Variants in NKAIN2 observed in about 807,000 individuals in gnomAD.
NKAIN2 encodes the protein sodium/potassium transporting ATPase interacting 2, also known as sodium/potassium-transporting ATPase subunit beta-1-interacting protein 2.
A neutral mutation model predicts 32.6 loss-of-function variants in NKAIN2; 14 were observed. The ratio of observed to expected loss-of-function variants is 0.43; its 90% CI spans 0.28 to 0.67. The LOEUF (loss-of-function observed/expected upper bound fraction) is 0.67, where lower values mean the gene tolerates loss of function less well. Ranked by LOEUF, NKAIN2 falls within the 30% of genes least tolerant of loss-of-function variation. The pLI is 0.17. For missense variants in NKAIN2, 198 were observed against 258.3 expected, an observed-to-expected ratio of 0.77 and a Z score of 1.60; for synonymous variants, 80 against 87.2, an observed-to-expected ratio of 0.92 and a Z score of 0.46.
At chr6:124,655,365 C>T (rs1262924456) in intron 3 of NKAIN2, among the ~76,000 whole-genome samples, 3 of 151,962 alleles carry the variant, frequency 2.0e-5, no homozygotes, top group African/African-American at 7.2e-5. Context: ...ATTTTTTACC[C>T]TTGTTTTAAT....
intron 4 of NKAIN2, among the ~76,000 whole-genome samples, chr6:124,698,348 A>T (rs1251422068): frequency 6.6e-6 from 1 of 152,034 alleles, no homozygotes; most frequent in African/African-American, 2.4e-5. Flanking sequence ...TAAAAGTGTT[A>T]GCATAAAAAA....
intron 1 of NKAIN2, among the ~76,000 whole-genome samples, chr6:123,945,236 G>A (rs1025228993): frequency 1.3e-5 from 2 of 151,988 alleles, no homozygotes; most frequent in African/African-American, 4.8e-5. Context: ...GTTTACCAAA[G>A]CCTCTAACTG....
chr6:124,406,597 C>A (rs1190216698), intron 3 of NKAIN2, among the ~76,000 whole-genome samples: 1 of 151,882 alleles, frequency 6.6e-6, no homozygotes, highest in African/African-American at 2.4e-5. Context: ...GGTTAATTCC[C>A]AGTGGTATAA....
intron 1 of NKAIN2, among the ~76,000 whole-genome samples, chr6:124,273,778 T>A (rs1393121265): frequency 6.6e-6 from 1 of 152,192 alleles, no homozygotes; most frequent in Non-Finnish European, 1.5e-5. Context: ...TGTAACCAAT[T>A]TGTGTGTTAG....
intron 1 of NKAIN2, among the ~76,000 whole-genome samples, chr6:124,097,989 C>G (rs1354502659): frequency 5.3e-5 from 8 of 151,932 alleles, no homozygotes; most frequent in Non-Finnish European, 1.2e-4. Context: ...TTATTTTTCC[C>G]AAGTTAGTCA....
intron 1 of NKAIN2, among the ~76,000 whole-genome samples, chr6:123,875,783 A>G (rs1260727135): frequency 2.0e-5 from 3 of 151,980 alleles, no homozygotes; most frequent in African/African-American, 7.2e-5. Context: ...TTTGATTTAC[A>G]ATTTTGGATA....
chr6:124,112,353 A>C (rs1785424360), intron 1 of NKAIN2, among the ~76,000 whole-genome samples: 1 of 151,874 alleles, frequency 6.6e-6, no homozygotes, highest in South Asian at 2.1e-4. Context: ...TGACAGTTTT[A>C]TTTTTCTTTT....
chr6:124,508,098 A>G (rs1277518757), intron 3 of NKAIN2, among the ~76,000 whole-genome samples: 1 of 140,076 alleles, frequency 7.1e-6, no homozygotes, highest in Non-Finnish European at 1.6e-5. Context: ...ACCAAAAGAA[A>G]AAAAAAAAAA....
chr6:123,820,787 G>T lies in NKAIN2; in HGVS notation c.54+16533G>T, dbSNP rs530774585. 2.0e-4 allele frequency among the ~76,000 whole-genome samples: 31 copies of T among 152,220 alleles called. No individual in the cohort carries two copies. The South Asian group carries it at 3.9e-3, about 19-fold the overall frequency. On this transcript the variant is annotated intron_variant, in intron 1 of 6. Transcript: ENST00000368417. ...GTTGCCAACATTTTGCTATTTAGCC[G>T]TACCCCTCAATGCTTTTGATTTTGT...
intron 1 of NKAIN2, among the ~76,000 whole-genome samples, chr6:124,093,289 A>G (rs1354264381): frequency 1.3e-5 from 2 of 152,194 alleles, no homozygotes; most frequent in African/African-American, 2.4e-5. Flanking sequence ...TATTGTTGTA[A>G]TCATGCTGCC....
At chr6:124,821,308 AAGG>A (rs929963073) in intron 6 of NKAIN2, among the ~76,000 whole-genome samples, 25 of 152,066 alleles carry the variant, frequency 1.6e-4, no homozygotes, top group Non-Finnish European at 3.5e-4. Context: ...AAAAAAAAAA[AAGG>A]AGAATAAAAT....
chr6:124,159,645 C>G (rs1031861073), intron 1 of NKAIN2, among the ~76,000 whole-genome samples: 4 of 152,004 alleles, frequency 2.6e-5, no homozygotes, highest in African/African-American at 9.7e-5. Context: ...ACAAAGAAAA[C>G]TAAATTATAT....
chr6:124,176,104 A>G lies in NKAIN2; in HGVS notation c.55-106901A>G, dbSNP rs915496054. On this transcript the variant is annotated intron_variant, in intron 1 of 6. Transcript: ENST00000368417. ...CAAATCTTTTGGTTTTCCAGTACAT[A>G]TAAGGGTTATACTATACTGTAGTCT... 5.9e-5 allele frequency among the ~76,000 whole-genome samples: 9 copies of G among 152,182 alleles called. No individual in the cohort carries two copies. The South Asian group carries it at 6.2e-4, about 10-fold the overall frequency.
chr6:124,687,583 T>C (rs1562324944), intron 4 of NKAIN2, among the ~76,000 whole-genome samples: 2 of 28,166 alleles, frequency 7.1e-5, no homozygotes, highest in Non-Finnish European at 6.2e-5. Flanking sequence ...TATATATTTA[T>C]AATATAAATA....
At chr6:124,000,894 C>A (rs7775695) in intron 1 of NKAIN2, among the ~76,000 whole-genome samples, 82,346 of 151,842 alleles carry the variant, frequency 0.54, 23,951 homozygotes, top group African/African-American at 0.75. Flanking sequence ...CTCACTGTAG[C>A]GTGATTCTTT....
At chr6:123,871,149 A>G (rs182127311) in intron 1 of NKAIN2, among the ~76,000 whole-genome samples, 1 of 152,292 alleles carries the variant, frequency 6.6e-6, no homozygotes, top group Admixed American at 6.5e-5. Flanking sequence ...CAATACAATT[A>G]TGTCATACTT....
chr6:124,029,558 T>C (rs912884035), intron 1 of NKAIN2, among the ~76,000 whole-genome samples: 4 of 152,140 alleles, frequency 2.6e-5, no homozygotes, highest in African/African-American at 9.7e-5. Flanking sequence ...GTGCCAGCCT[T>C]TAAGTTTATT....
At chr6:124,396,383 C>A (rs1450302774) in intron 3 of NKAIN2, among the ~76,000 whole-genome samples, 4 of 133,324 alleles carry the variant, frequency 3.0e-5, no homozygotes, top group Non-Finnish European at 1.6e-5. Flanking sequence ...AAAATGGGTA[C>A]CAAAAAAACA....
At chr6:124,161,264 GT>G (rs1788262766) in intron 1 of NKAIN2, among the ~76,000 whole-genome samples, 1 of 152,112 alleles carries the variant, frequency 6.6e-6, no homozygotes, top group Non-Finnish European at 1.5e-5. Flanking sequence ...GACTAAGAGA[GT>G]GATAAGGGGA....
Sources: gnomAD v4.1 joint callset for allele counts (sites outside exome capture counted in the v4.1 genomes callset) on GRCh38, gnomAD v4.1.1 for gene constraint, MANE v1.5 for transcripts, NCBI Gene and HGNC (gene_info 2026-07-23, HGNC 2026-07-21) for gene names.